Variants in CDH4 observed in about 807,000 individuals in gnomAD.
CDH4 encodes cadherin-4.
A neutral mutation model predicts 86.0 loss-of-function variants in CDH4; 33 were observed. The ratio of observed to expected loss-of-function variants is 0.38; its 90% CI spans 0.29 to 0.51. The LOEUF is 0.51. Ranked by LOEUF, CDH4 falls within the 20% of genes least tolerant of loss-of-function variation. The pLI, the probability that CDH4 is intolerant of heterozygous loss-of-function variation, is 0.86. For missense variants in CDH4, 1,114 were observed against 1,307.4 expected (o/e 0.85, Z 2.28); for synonymous variants, 555 against 549.4 (o/e 1.01, Z -0.14).
intron 2 of CDH4, among the ~76,000 whole-genome samples, chr20:61,659,413 G>A (rs763341012): frequency 1.3e-5 from 2 of 152,222 alleles, no homozygotes; most frequent in African/African-American, 4.8e-5. Context: ...GGAAGAGAGG[G>A]GCTGCGCTGC....
At chr20:61,747,939 AT>A (rs1445026951) in intron 3 of CDH4, among the ~76,000 whole-genome samples, 989 of 98,262 alleles carry the variant, frequency 0.01, 14 homozygotes, top group African/African-American at 0.046. Context: ...CAGGAGAAAT[AT>A]TTAAAAAAAA....
chr20:61,401,194 A>C (rs2085047651), intron 2 of CDH4, among the ~76,000 whole-genome samples: 1 of 152,188 alleles, frequency 6.6e-6, no homozygotes, highest in Non-Finnish European at 1.5e-5. Context: ...GATAAACCTG[A>C]AGCCTCTTCC....
intron 2 of CDH4, among the ~76,000 whole-genome samples, chr20:61,519,404 G>A (rs1348261802): frequency 6.6e-6 from 1 of 152,374 alleles, no homozygotes. Context: ...TGCAGCAGCT[G>A]CACATGCAGG....
chr20:61,369,130 A>AC (rs2084826028), intron 2 of CDH4, among the ~76,000 whole-genome samples: 1 of 152,030 alleles, frequency 6.6e-6, no homozygotes, highest in Non-Finnish European at 1.5e-5. Flanking sequence ...CAGCAGTTGA[A>AC]CCCCTGGCCC....
chr20:61,493,946 A>T (rs1465208514), intron 2 of CDH4, among the ~76,000 whole-genome samples: 1 of 151,870 alleles, frequency 6.6e-6, no homozygotes, highest in Non-Finnish European at 1.5e-5. Flanking sequence ...TCCCCCACAA[A>T]CCTCCCCCTG....
chr20:61,757,350 G>A (rs557574941), intron 3 of CDH4, among the ~76,000 whole-genome samples: 97 of 152,372 alleles, frequency 6.4e-4, no homozygotes, highest in African/African-American at 2.2e-3. Context: ...CTCTTCATGG[G>A]TGCGAAGGAC....
intron 2 of CDH4, among the ~76,000 whole-genome samples, chr20:61,630,795 A>G (rs552746260): frequency 6.6e-6 from 1 of 152,354 alleles, no homozygotes; most frequent in South Asian, 2.1e-4. Context: ...AGAAATAGGT[A>G]GAAAACAGGG....
At chr20:61,750,709 C>T (rs1436036141) in intron 3 of CDH4, among the ~76,000 whole-genome samples, 1 of 152,126 alleles carries the variant, frequency 6.6e-6, no homozygotes, top group Admixed American at 6.5e-5. Context: ...TTATTTGTAG[C>T]TTATATGATT....
In CDH4 at chr20:61,923,447, C is replaced by G; in HGVS notation, c.1375-4C>G. ...TCACTCCCAGCCCTGATCTGTTGTT[C>G]CAGGCAGTCGACTACGAGCTCAACA... On this transcript the variant is annotated splice_polypyrimidine_tract_variant and splice_region_variant and intron_variant, in intron 9 of 15. Coordinates refer to ENST00000614565, the MANE Select transcript of CDH4 (RefSeq NM_001794.5). The G allele has an allele frequency of 6.2e-7, 1 of 1,613,966 alleles. No individual in the cohort carries two copies. The highest frequency in any genetic ancestry group is 8.5e-7 in the Non-Finnish European group (1 of 1,179,888).
Position 61,516,080 on chromosome 20 carries a change from C to A in CDH4, c.170-227483C>A, listed in dbSNP as rs973186889. Reference sequence around the variant, plus strand: ...CACCGCAGGCAGGCAGCTCCCTCACCACAGGGGCTCGCCTCGTGCTCTGCG... The same window carrying A: ...CACCGCAGGCAGGCAGCTCCCTCACAACAGGGGCTCGCCTCGTGCTCTGCG... On this transcript the variant is annotated intron_variant, in intron 2 of 15. Transcript: ENST00000614565. This position sits in a 1 kb window ranked among gnomAD's most constrained non-coding sequence, Gnocchi z 4.0. Among the ~76,000 whole-genome samples the A allele has an allele frequency of 5.3e-5, 8 of 152,186 alleles. No individual in the cohort carries two copies. Among genetic ancestry groups the A allele is most frequent in the African/African-American group, 1.9e-4 (8 of 41,438 alleles).
At chr20:61,660,150 C>T (rs1024139242) in intron 2 of CDH4, among the ~76,000 whole-genome samples, 2 of 152,126 alleles carry the variant, frequency 1.3e-5, no homozygotes, top group Admixed American at 6.5e-5. Flanking sequence ...GGTGACGTGG[C>T]GACCTTCCTT....
At chr20:61,342,976 G>A (rs965621158) in intron 2 of CDH4, among the ~76,000 whole-genome samples, 3 of 152,230 alleles carry the variant, frequency 2.0e-5, no homozygotes, top group Non-Finnish European at 4.4e-5. Context: ...TCTTGAATAT[G>A]AATGGATTTG....
intron 4 of CDH4, among the ~76,000 whole-genome samples, chr20:61,800,946 G>A (rs2146031520): frequency 6.6e-6 from 1 of 152,350 alleles, no homozygotes; most frequent in Middle Eastern, 3.4e-3. Flanking sequence ...GGTAGGCCTG[G>A]GCATGGCTGC....
At chr20:61,720,553 G>A (rs965138604) in intron 2 of CDH4, among the ~76,000 whole-genome samples, 2 of 140,482 alleles carry the variant, frequency 1.4e-5, no homozygotes, top group Non-Finnish European at 3.0e-5. Context: ...GAGTGTAGGG[G>A]TGCAGGGGTG....
intron 4 of CDH4, among the ~76,000 whole-genome samples, chr20:61,780,426 G>A (rs182953302): frequency 6.4e-4 from 97 of 152,242 alleles, no homozygotes; most frequent in Middle Eastern, 3.4e-3. Context: ...ACACTGTTTC[G>A]TCGGTAATTA....
chr20:61,871,476 A>G (rs1983800894), intron 6 of CDH4, among the ~76,000 whole-genome samples: 1 of 152,196 alleles, frequency 6.6e-6, no homozygotes, highest in Non-Finnish European at 1.5e-5. Context: ...AATCACAGAG[A>G]ACCTCAGCCT....
chr20:61,620,262 G>A (rs2086763999), intron 2 of CDH4, among the ~76,000 whole-genome samples: 1 of 150,202 alleles, frequency 6.7e-6, no homozygotes, highest in Admixed American at 6.6e-5. Context: ...ATAGATGATG[G>A]ATGGGTGGGT....
chr20:61,328,550 A>G lies in CDH4; in HGVS notation c.169+73613A>G, dbSNP rs547915102. ...TGTAATCTCATCACTTTGGGAGGCC[A>G]ACACAAGAGGATTGCTTGAGCCCAG... is the stretch of plus-strand genomic sequence containing the variant. On this transcript the variant is annotated intron_variant, in intron 2 of 15. Transcript: ENST00000614565. Among the ~76,000 whole-genome samples the G allele has an allele frequency of 3.4e-3, 514 of 152,332 alleles. 5 individuals are homozygous for G. Among genetic ancestry groups the G allele is most frequent in the African/African-American group, 0.012 (500 of 41,588 alleles).
chr20:61,420,090 G>T (rs570961495), intron 2 of CDH4, among the ~76,000 whole-genome samples: 1 of 152,206 alleles, frequency 6.6e-6, no homozygotes, highest in East Asian at 1.9e-4. Context: ...CCAGGCCTGC[G>T]AAGGGGCACT....
Sources: gnomAD v4.1 joint callset for allele counts (sites outside exome capture counted in the v4.1 genomes callset) on GRCh38, gnomAD v4.1.1 for gene constraint, Gnocchi (gnomAD v3.1) non-coding constraint, MANE v1.5 for transcripts, NCBI Gene and HGNC (gene_info 2026-07-23, HGNC 2026-07-21) for gene names.